Variants in MISP observed in about 807,000 individuals in gnomAD.
MISP encodes mitotic spindle positioning.
In MISP, 51 loss-of-function variants were observed where a neutral mutation model predicts 49.3. That is an observed-to-expected ratio of 1.03 (90% CI 0.83 to 1.31). The LOEUF is 1.31. MISP is among the 50% of genes most tolerant of loss of function. The pLI is 0.00. For synonymous variants in MISP, 444 were observed against 392.6 expected, an observed-to-expected ratio of 1.13 and a Z score of -1.55; for missense variants, 1,084 against 935.1, an observed-to-expected ratio of 1.16 and a Z score of -2.08.
At chr19:753,668 T>G (rs4353579) in intron 1 of MISP, among the ~76,000 whole-genome samples, 2 of 151,712 alleles carry the variant, frequency 1.3e-5, no homozygotes, top group African/African-American at 2.4e-5. Context: ...CCACTGTGCC[T>G]GGCCGACCCT....
chr19:761,360 A>G, intron 3 of MISP, among the ~76,000 whole-genome samples: 1 of 151,418 alleles, frequency 6.6e-6, no homozygotes, highest in East Asian at 2.0e-4. Flanking sequence ...CTCAGACCCA[A>G]TATAAATAAA....
rs1471432815 is a variant in MISP, at chr19:757,467, G to A, written c.521G>A (p.Gly174Asp). The A allele has an allele frequency of 1.3e-6, 2 of 1,594,354 alleles. No homozygotes were observed. The highest frequency in any genetic ancestry group is 8.5e-7 in the Non-Finnish European group (1 of 1,171,154). Residue 174 changes from glycine (G) to aspartate (D), a missense_variant, in exon 2 of 5, where the codon GGC becomes GAC. Gly to Asp is a moderately conservative substitution (Grantham distance 94, BLOSUM62 -1). Transcript: ENST00000215582. ...TPDHGDPRTPGPPRSTPLEEN... is the reference protein window; with the variant it reads ...TPDHGDPRTPDPPRSTPLEEN... The stretch of plus-strand genomic sequence containing the variant: ...GACCACGGAGACCCCAGGACCCCCG[G>A]CCCACCTCGGTCCACGCCCCTGGAG...
At chr19:750,799 G>T (rs2033449341), upstream of MISP, among the ~76,000 whole-genome samples, 1 of 152,212 alleles carries the variant, frequency 6.6e-6, no homozygotes. Context: ...ACGCTGAGCT[G>T]CTGTGTGGCC....
At chr19:750,188 C>CT (rs71174321), upstream of MISP, among the ~76,000 whole-genome samples, 24 of 112,634 alleles carry the variant, frequency 2.1e-4, 3 homozygotes, top group East Asian at 1.2e-3. Context: ...TCGTGCGGTT[C>CT]TTTTTTTTTT....
At chr19:750,082 G>C (rs900006502), upstream of MISP, among the ~76,000 whole-genome samples, 32 of 152,110 alleles carry the variant, frequency 2.1e-4, no homozygotes, top group Non-Finnish European at 4.4e-4. Flanking sequence ...GTCCCAGCAA[G>C]GCCTCTGCAC....
chr19:758,146 C>T lies in MISP; in HGVS notation c.1200C>T (p.Ser400=). 2 of 1,611,786 alleles carry T rather than the reference C, an allele frequency of 1.2e-6. No individual in the cohort carries two copies. The highest frequency in any genetic ancestry group is 1.1e-5 in the South Asian group (1 of 90,970). ...CCCTCAGCTCAGATTCCATCCTCAGCCCGGCCCCAGATGCCCGTGCGGCCG... is the reference window on the plus strand; with the variant it reads ...CCCTCAGCTCAGATTCCATCCTCAGTCCGGCCCCAGATGCCCGTGCGGCCG... ...RRALSSDSIL[S]PAPDARAADP... is the part of the protein sequence containing the mutation. The change falls in exon 2 of 5, where the codon AGC becomes AGT. Residue 400 remains serine, a synonymous_variant. Coordinates refer to ENST00000215582, the MANE Select transcript of MISP (RefSeq NM_173481.4).
Position 757,450 on chromosome 19 carries a change from A to T in MISP, c.504A>T (p.Gly168=). The T allele has an allele frequency of 6.3e-7, 1 of 1,593,348 alleles. No homozygotes were observed. The highest frequency in any genetic ancestry group is 8.5e-7 in the Non-Finnish European group (1 of 1,170,760). ...VATLQGTPDH[G]DPRTPGPPRS... ...CGCTCCAGGGCACTCCTGACCACGG[A>T]GACCCCAGGACCCCCGGCCCACCTC... The change falls in exon 2 of 5, where the codon GGA becomes GGT. Residue 168 remains glycine, a synonymous_variant. Transcript: ENST00000215582.
chr19:748,464 C>T (rs932966648), upstream of MISP: 1 of 152,380 alleles, frequency 6.6e-6, no homozygotes, highest in East Asian at 1.9e-4. Flanking sequence ...CCTGCACCCG[C>T]TCACCCTGAG....
Position 758,162 on chromosome 19 carries a change from C to T in MISP, c.1216C>T (p.Arg406Cys), listed in dbSNP as rs772124174. The T allele has an allele frequency of 4.5e-5, 72 of 1,612,328 alleles. No homozygotes were observed. Among genetic ancestry groups the T allele is most frequent in the East Asian group, 6.7e-5 (3 of 44,844 alleles). The change falls in exon 2 of 5, where the codon CGT becomes TGT. Residue 406 changes from arginine (R) to cysteine (C), a missense_variant. By Grantham distance (180) the Arg-to-Cys change is radical (BLOSUM62 -3). Transcript: ENST00000215582. Reference sequence around the variant, plus strand: ...CATCCTCAGCCCGGCCCCAGATGCCCGTGCGGCCGACCCAGCTCCAGAAGT... The same window carrying T: ...CATCCTCAGCCCGGCCCCAGATGCCTGTGCGGCCGACCCAGCTCCAGAAGT... The part of the protein sequence containing the change: ...DSILSPAPDA[R>C]AADPAPEVRK...
At position 759,911 on chromosome 19, in the gene MISP, A is replaced by C. The variant is rs763652188; in HGVS notation, c.1783A>C (p.Ile595Leu). ...CTGCCCTCCCTGCTCCCCTACAGGC[A>C]TCACGGGCAGTTACTCGGTGTCTGA... is the stretch of plus-strand genomic sequence containing the variant. ...NSRSSSQASGITGSYSVSESP... is the reference protein window; with the variant it reads ...NSRSSSQASGLTGSYSVSESP... The change falls in exon 3 of 5, where the codon ATC (isoleucine) becomes CTC (leucine). Residue 595 changes from isoleucine (I) to leucine (L), a missense_variant and splice_region_variant. Ile to Leu is a conservative substitution (Grantham distance 5, BLOSUM62 2). Coordinates refer to ENST00000215582, the MANE Select transcript of MISP (RefSeq NM_173481.4). 4 of 1,613,924 alleles carry C rather than the reference A, an allele frequency of 2.5e-6. No individual in the cohort carries two copies. Among genetic ancestry groups the C allele is most frequent in the African/African-American group, 2.7e-5 (2 of 74,908 alleles).
intron 4 of MISP, among the ~76,000 whole-genome samples, chr19:762,338 C>T (rs946054734): frequency 5.3e-5 from 8 of 151,580 alleles, no homozygotes; most frequent in South Asian, 4.2e-4. Context: ...CTGCAACTTC[C>T]GCCTTTCAGG....
chr19:754,612 G>A (rs2033516602), intron 1 of MISP, among the ~76,000 whole-genome samples: 1 of 152,252 alleles, frequency 6.6e-6, no homozygotes, highest in Non-Finnish European at 1.5e-5. Context: ...GTGCATCGCA[G>A]CGAGACTCTG....
At chr19:756,109 G>A (rs2033544800) in intron 1 of MISP, among the ~76,000 whole-genome samples, 1 of 152,168 alleles carries the variant, frequency 6.6e-6, no homozygotes, top group Non-Finnish European at 1.5e-5. Context: ...GAATCAGGGA[G>A]CTTAAAAGTT....
chr19:752,503 G>A (rs573518948), intron 1 of MISP, among the ~76,000 whole-genome samples: 3 of 139,022 alleles, frequency 2.2e-5, no homozygotes, highest in South Asian at 2.5e-4. Flanking sequence ...CAGCCTGGGC[G>A]ACAGAGGGAG....
chr19:761,063 G>A (rs997255672), intron 3 of MISP, among the ~76,000 whole-genome samples: 1 of 146,412 alleles, frequency 6.8e-6, no homozygotes, highest in Non-Finnish European at 1.5e-5. Flanking sequence ...GGAATATTTA[G>A]TGCCATGAGG....
rs2033614014 is a variant in MISP, at chr19:758,437, T to C, written c.1491T>C (p.Gly497=). 6.2e-7 allele frequency: 1 copy of C among 1,613,810 alleles called. No individual in the cohort carries two copies. The highest frequency in any genetic ancestry group is 8.5e-7 in the Non-Finnish European group (1 of 1,179,998). Residue 497 remains glycine, a synonymous_variant, in exon 2 of 5, where the codon GGT becomes GGC. Transcript: ENST00000215582. The stretch of plus-strand genomic sequence containing the variant: ...GGGGATGCCCGCAAGCCAACAGGGG[T>C]GTCGTGCGGTGGGAGTACTTCCGCC... ...PPRGCPQANR[G]VVRWEYFRLR...
At position 758,227 on chromosome 19, in the gene MISP, G is replaced by A. The variant is rs369172873; in HGVS notation, c.1281G>A (p.Pro427=). 2.5e-5 allele frequency: 40 copies of A among 1,613,094 alleles called. No homozygotes were observed. Among genetic ancestry groups the A allele is most frequent in the South Asian group, 4.4e-5 (4 of 91,052 alleles). The change falls in exon 2 of 5, where the codon CCG becomes CCA. Residue 427 remains proline, a synonymous_variant. Coordinates refer to ENST00000215582, the MANE Select transcript of MISP (RefSeq NM_173481.4). ...GCATCCCACCTGATGCCTACCAGCC[G>A]TACCTGAGCCCCGGGACCCCCCAGC... The part of the protein sequence containing the change: ...VNRIPPDAYQ[P]YLSPGTPQLE...
At chr19:756,108 A>T (rs1036369148) in intron 1 of MISP, among the ~76,000 whole-genome samples, 4 of 152,128 alleles carry the variant, frequency 2.6e-5, no homozygotes, top group Non-Finnish European at 1.5e-5. Flanking sequence ...GGAATCAGGG[A>T]GCTTAAAAGT....
At chr19:752,250 G>A (rs570279677) in intron 1 of MISP, among the ~76,000 whole-genome samples, 5 of 152,286 alleles carry the variant, frequency 3.3e-5, no homozygotes, top group East Asian at 1.9e-4. Context: ...GCCATCTTCC[G>A]TCCTGGGGCT....
Sources: allele counts gnomAD v4.1 joint callset (sites outside exome capture counted in the v4.1 genomes callset), GRCh38; gene constraint gnomAD v4.1.1; transcripts MANE v1.5; gene names NCBI Gene and HGNC (gene_info 2026-07-23, HGNC 2026-07-21).